CTNND2: variants seen among roughly 807,000 people sequenced by gnomAD.
The protein encoded by CTNND2 is catenin delta-2.
CTNND2 carries 22 observed loss-of-function variants against 144.4 expected under a neutral mutation model. That is an observed-to-expected ratio of 0.15 (90% confidence interval 0.11 to 0.22). CTNND2 has a LOEUF of 0.22. CTNND2 is among the 10% of genes least tolerant of loss of function. CTNND2 has a pLI of 1.00. For missense variants in CTNND2, 1,353 were observed against 1,618.8 expected (o/e 0.84, Z 2.82); for synonymous variants, 751 against 695.6 (o/e 1.08, Z -1.25).
At chr5:11,142,258 CT>C (rs527966228) in intron 12 of CTNND2, among the ~76,000 whole-genome samples, 90 of 152,358 alleles carry the variant, frequency 5.9e-4, no homozygotes, top group African/African-American at 2.0e-3. Context: ...CTAATGTACT[CT>C]AGCCACAGAA....
chr5:11,283,189 G>A (rs1270289297), intron 9 of CTNND2, among the ~76,000 whole-genome samples: 1 of 152,076 alleles, frequency 6.6e-6, no homozygotes, highest in African/African-American at 2.4e-5. Context: ...TTAACTCTCA[G>A]GAAAATCCTG....
At chr5:11,607,473 T>C (rs1780109359) in intron 2 of CTNND2, among the ~76,000 whole-genome samples, 3 of 152,222 alleles carry the variant, frequency 2.0e-5, no homozygotes, top group African/African-American at 4.8e-5. Context: ...AGTAATCATA[T>C]AGTTTTGATT....
At chr5:11,570,433 T>G (rs536547021) in intron 2 of CTNND2, among the ~76,000 whole-genome samples, 1 of 152,304 alleles carries the variant, frequency 6.6e-6, no homozygotes, top group Non-Finnish European at 1.5e-5. Context: ...ATGAGAGGTA[T>G]TATGTTCTGA....
chr5:11,445,236 T>G (rs1251335236), intron 3 of CTNND2, among the ~76,000 whole-genome samples: 2 of 152,176 alleles, frequency 1.3e-5, no homozygotes, highest in Non-Finnish European at 2.9e-5. Flanking sequence ...TTCTACCTCC[T>G]GTCATTACCT....
chr5:11,353,374 G>A (rs1263834588), intron 8 of CTNND2, among the ~76,000 whole-genome samples: 1 of 152,180 alleles, frequency 6.6e-6, no homozygotes, highest in Non-Finnish European at 1.5e-5. Flanking sequence ...CTAGAGGTGA[G>A]GGCAGGCCTG....
intron 3 of CTNND2, among the ~76,000 whole-genome samples, chr5:11,522,626 G>A (rs1021037560): frequency 6.6e-6 from 1 of 152,164 alleles, no homozygotes; most frequent in African/African-American, 2.4e-5. Flanking sequence ...GACCTTCTCT[G>A]TGTAAATTGA....
intron 2 of CTNND2, among the ~76,000 whole-genome samples, chr5:11,729,171 C>A (rs1174345762): frequency 6.8e-6 from 1 of 148,074 alleles, no homozygotes; most frequent in Non-Finnish European, 1.5e-5. Flanking sequence ...CATCCCTCCC[C>A]AAATTACTTA....
At chr5:11,160,761 C>T (rs771540884) in intron 11 of CTNND2, among the ~76,000 whole-genome samples, 12 of 152,176 alleles carry the variant, frequency 7.9e-5, no homozygotes, top group Middle Eastern at 3.4e-3. Context: ...AATGAGCTTT[C>T]GATATATTTT....
intron 2 of CTNND2, among the ~76,000 whole-genome samples, chr5:11,566,835 C>T (rs970977720): frequency 5.3e-5 from 8 of 152,160 alleles, no homozygotes; most frequent in Admixed American, 2.6e-4. Flanking sequence ...ATGACTTTCT[C>T]GTTTGCAAGC....
intron 3 of CTNND2, among the ~76,000 whole-genome samples, chr5:11,520,070 C>G (rs1414890535): frequency 1.2e-4 from 18 of 150,374 alleles, no homozygotes; most frequent in African/African-American, 4.2e-4. Flanking sequence ...TCACTCGAAC[C>G]CAGGAGGAAG....
chr5:11,599,184 C>T (rs890784817), intron 2 of CTNND2, among the ~76,000 whole-genome samples: 4 of 152,132 alleles, frequency 2.6e-5, no homozygotes, highest in South Asian at 2.1e-4. Flanking sequence ...TACAATTCCA[C>T]ATGAGATATG....
chr5:11,158,451 T>C (rs191578589), intron 12 of CTNND2, among the ~76,000 whole-genome samples: 12 of 152,294 alleles, frequency 7.9e-5, no homozygotes, highest in African/African-American at 2.2e-4. Context: ...ACGTCAGATG[T>C]TCATGATTTC....
At chr5:11,697,227 G>A (rs1453749934) in intron 2 of CTNND2, among the ~76,000 whole-genome samples, 1 of 152,172 alleles carries the variant, frequency 6.6e-6, no homozygotes, top group African/African-American at 2.4e-5. Flanking sequence ...TGGAAAGTGT[G>A]CAAGCTGCCC....
chr5:11,541,089 G>A (rs1229829006), intron 3 of CTNND2, among the ~76,000 whole-genome samples: 1 of 152,158 alleles, frequency 6.6e-6, no homozygotes, highest in Admixed American at 6.5e-5. Context: ...ATCAACTGAG[G>A]AGAGCAGCAG....
chr5:11,825,466 G>A (rs1793550437), intron 1 of CTNND2, among the ~76,000 whole-genome samples: 1 of 152,050 alleles, frequency 6.6e-6, no homozygotes, highest in African/African-American at 2.4e-5. Flanking sequence ...GTATCAAGAA[G>A]TCTAACCTAT....
At chr5:11,060,590 ATTTTTTCCTGGGG>A (rs11267800) in intron 16 of CTNND2, among the ~76,000 whole-genome samples, 9,876 of 152,194 alleles carry the variant, frequency 0.065, 531 homozygotes, top group African/African-American at 0.14. Flanking sequence ...CATGTCCCAT[ATTTTTTCCTGGGG>A]TGGATAAACA....
intron 9 of CTNND2, among the ~76,000 whole-genome samples, chr5:11,284,151 T>A (rs1170600842): frequency 6.6e-6 from 1 of 152,212 alleles, no homozygotes. Flanking sequence ...TGTGAATTCT[T>A]CAGCCACATG....
At chr5:11,662,273 GTATATATA>G (rs147318564) in intron 2 of CTNND2, among the ~76,000 whole-genome samples, 3 of 134,124 alleles carry the variant, frequency 2.2e-5, no homozygotes, top group African/African-American at 8.2e-5. Flanking sequence ...GTGTGTGTGT[GTATATATA>G]TATATATATA....
chr5:11,406,260 G>C (rs186415691), intron 5 of CTNND2, among the ~76,000 whole-genome samples: 51 of 152,302 alleles, frequency 3.3e-4, no homozygotes, highest in Non-Finnish European at 5.6e-4. Flanking sequence ...AGGATGTGGG[G>C]TCTCTAAGGC....
Sources: allele counts gnomAD v4.1 joint callset (sites outside exome capture counted in the v4.1 genomes callset), GRCh38; gene constraint gnomAD v4.1.1; transcripts MANE v1.5; gene names NCBI Gene and HGNC (gene_info 2026-07-23, HGNC 2026-07-21).